SMIM14: variants seen among roughly 807,000 people sequenced by gnomAD.
SMIM14 encodes small integral membrane protein 14.
In SMIM14, 5 loss-of-function variants were observed where a neutral mutation model predicts 12.6. The observed-to-expected ratio is 0.40, with a 90% CI of 0.21 to 0.83. The LOEUF (loss-of-function observed/expected upper bound fraction) is 0.83, where lower values mean the gene tolerates loss of function less well. SMIM14 is among the 40% of genes least tolerant of loss of function. The probability of loss-of-function intolerance (pLI) is 0.37; values close to 1 mark genes in which losing one functional copy is unlikely to be tolerated. For missense variants in SMIM14, 86 were observed against 119.1 expected, an observed-to-expected ratio of 0.72 and a Z score of 1.29; for synonymous variants, 30 against 40.1, an observed-to-expected ratio of 0.75 and a Z score of 0.95.
intron 1 of SMIM14, among the ~76,000 whole-genome samples, chr4:39,605,806 T>C (rs1714781117): frequency 6.6e-6 from 1 of 152,176 alleles, no homozygotes; most frequent in Admixed American, 6.5e-5. Flanking sequence ...AGTGATACGA[T>C]CTCAGCTCAC....
rs1560289718 is a variant in SMIM14, at chr4:39,576,676, ATATATATATTTTTTTTTTTTTTTT to A, written c.76-4237_76-4214del. ...TGTGTATGTGTATATATATATATAT[ATATATATATTTTTTTTTTTTTTTT>A]TTTTTTTTTTTTTTTTTTTTTTTTG... On this transcript the variant is annotated intron_variant, in intron 2 of 4. Transcript: ENST00000295958. 6.0e-3 allele frequency among the ~76,000 whole-genome samples: 186 copies of A among 31,050 alleles called. 10 individuals carry two copies. Among genetic ancestry groups the A allele is most frequent in the African/African-American group, 0.018 (183 of 10,192 alleles). 20.4% of individuals were successfully genotyped at this position (31,050 alleles called of 152,430 possible).
intron 2 of SMIM14, among the ~76,000 whole-genome samples, chr4:39,576,307 A>G (rs1713166952): frequency 6.6e-6 from 1 of 151,982 alleles, no homozygotes; most frequent in South Asian, 2.1e-4. Flanking sequence ...ATGGTATGAC[A>G]GAAGGGCAGT....
chr4:39,596,444 C>T (rs1052727419), intron 2 of SMIM14, among the ~76,000 whole-genome samples: 6 of 152,130 alleles, frequency 3.9e-5, no homozygotes, highest in African/African-American at 9.7e-5. Context: ...CCAAGAAGAA[C>T]ATGATGCTGA....
At chr4:39,621,992 T>C (rs1420728899) in intron 1 of SMIM14, among the ~76,000 whole-genome samples, 1 of 150,272 alleles carries the variant, frequency 6.7e-6, no homozygotes, top group Non-Finnish European at 1.5e-5. Flanking sequence ...TCATTTTCTT[T>C]CTTAATAATA....
At chr4:39,555,837 C>A (rs150746693) in intron 4 of SMIM14, among the ~76,000 whole-genome samples, 7 of 152,208 alleles carry the variant, frequency 4.6e-5, no homozygotes, top group Non-Finnish European at 8.8e-5. Context: ...AGTTTAGGGG[C>A]TGGAAGCATG....
At chr4:39,571,270 G>A (rs1200517619) in intron 3 of SMIM14, among the ~76,000 whole-genome samples, 1 of 151,910 alleles carries the variant, frequency 6.6e-6, no homozygotes, top group Non-Finnish European at 1.5e-5. Context: ...GAAAAGAATG[G>A]CCTCCCCACC....
chr4:39,620,357 T>A (rs1715437877), intron 1 of SMIM14, among the ~76,000 whole-genome samples: 1 of 151,892 alleles, frequency 6.6e-6, no homozygotes, highest in South Asian at 2.1e-4. Flanking sequence ...CGGGCGCCTG[T>A]AGTCCCAGCT....
At chr4:39,574,537 C>G (rs1291722358) in intron 2 of SMIM14, among the ~76,000 whole-genome samples, 1 of 152,210 alleles carries the variant, frequency 6.6e-6, no homozygotes, top group Non-Finnish European at 1.5e-5. Flanking sequence ...GCCACAGCAC[C>G]TGGCCCTGCA....
intron 1 of SMIM14, among the ~76,000 whole-genome samples, chr4:39,622,933 G>A (rs751060837): frequency 3.3e-5 from 5 of 151,988 alleles, no homozygotes; most frequent in Non-Finnish European, 5.9e-5. Context: ...CAAATAAATG[G>A]CAAAAAATAA....
At chr4:39,630,391 G>A (rs760868085) in intron 1 of SMIM14, among the ~76,000 whole-genome samples, 3 of 152,078 alleles carry the variant, frequency 2.0e-5, no homozygotes, top group Non-Finnish European at 4.4e-5. Flanking sequence ...GTGTGACAGA[G>A]ACCCTGTTTC....
intron 2 of SMIM14, among the ~76,000 whole-genome samples, chr4:39,578,702 T>C (rs1222100612): frequency 6.6e-6 from 1 of 151,884 alleles, no homozygotes; most frequent in Non-Finnish European, 1.5e-5. Context: ...AACTTCAAAA[T>C]AGCAGAGAAT....
At chr4:39,628,941 C>G (rs1035917621) in intron 1 of SMIM14, among the ~76,000 whole-genome samples, 5 of 151,164 alleles carry the variant, frequency 3.3e-5, no homozygotes, top group African/African-American at 1.2e-4. Flanking sequence ...CCATGTTGGA[C>G]AGGCTGGTCT....
chr4:39,576,654 GTATGTGTATA>G (rs1315123052), intron 2 of SMIM14, among the ~76,000 whole-genome samples: 4 of 21,996 alleles, frequency 1.8e-4, no homozygotes, highest in African/African-American at 5.0e-4. Context: ...ATGTGTGTGT[GTATGTGTATA>G]TATATATATA....
chr4:39,591,566 C>CT (rs1341711247), intron 2 of SMIM14, among the ~76,000 whole-genome samples: 4 of 151,358 alleles, frequency 2.6e-5, no homozygotes, highest in South Asian at 2.1e-4. Flanking sequence ...ATAATATGTA[C>CT]TTTTTTTTTG....
intron 1 of SMIM14, among the ~76,000 whole-genome samples, chr4:39,619,871 TATA>T (rs1395292345): frequency 0.066 from 5,452 of 82,876 alleles, 261 homozygotes; most frequent in East Asian, 0.21. Flanking sequence ...TATATATATA[TATA>T]TATTTTTTTT....
chr4:39,554,039 C>T (rs533923006), intron 4 of SMIM14, among the ~76,000 whole-genome samples: 1 of 152,106 alleles, frequency 6.6e-6, no homozygotes, highest in Non-Finnish European at 1.5e-5. Context: ...TAACACTGCA[C>T]ATTTGCTTTC....
rs532323512 is a variant in SMIM14 at position 39,619,235 on chromosome 4, AATAAAT to A, written c.-35-14061_-35-14056del. Among the ~76,000 whole-genome samples the A allele has an allele frequency of 6.4e-3, 881 of 137,784 alleles. 4 individuals carry two copies. Among genetic ancestry groups the A allele is most frequent in the Admixed American group, 0.012 (154 of 13,126 alleles). The allele number at this position is 137,784 out of a possible 152,430, so 90.4% of individuals were successfully genotyped here. On this transcript the variant is annotated intron_variant, in intron 1 of 4. Coordinates refer to ENST00000295958, the MANE Select transcript of SMIM14 (RefSeq NM_174921.3). ...ATAAATATAATTTATTCTATATATC[AATAAAT>A]ATAATTTATTCTATATATCAATAAA...
intron 2 of SMIM14, among the ~76,000 whole-genome samples, chr4:39,601,327 C>G (rs1016842964): frequency 3.3e-5 from 5 of 151,912 alleles, no homozygotes; most frequent in Admixed American, 6.6e-5. Context: ...TCAAAAAAAC[C>G]CAATTACATT....
rs11338888 is a variant in SMIM14 at position 39,574,237 on chromosome 4, CTTTT to C, written c.76-1778_76-1775del. On this transcript the variant is annotated intron_variant, in intron 2 of 4. Coordinates refer to ENST00000295958, the MANE Select transcript of SMIM14 (RefSeq NM_174921.3). ...ATTTAAAGTCTGGTTCTGCAACTTT[CTTTT>C]TTTTTTTTTTTTTTTTCTTTTCTCT... is the stretch of plus-strand genomic sequence containing the variant. 2.8e-3 allele frequency among the ~76,000 whole-genome samples: 353 copies of C among 126,874 alleles called. 1 individual carries two copies. Among genetic ancestry groups the C allele is most frequent in the Non-Finnish European group, 4.0e-3 (244 of 60,862 alleles). 83.2% of individuals were successfully genotyped at this position (126,874 alleles called of 152,430 possible).
Sources: allele counts gnomAD v4.1 joint callset (sites outside exome capture counted in the v4.1 genomes callset), GRCh38; gene constraint gnomAD v4.1.1; transcripts MANE v1.5; gene names NCBI Gene and HGNC (gene_info 2026-07-23, HGNC 2026-07-21).